ABCC8: variants seen among roughly 807,000 people sequenced by gnomAD.
The protein encoded by ABCC8 is ATP-binding cassette sub-family C member 8.
ABCC8 carries 137 observed loss-of-function variants against 188.0 expected under a neutral mutation model. The ratio of observed to expected loss-of-function variants is 0.73; its 90% CI spans 0.63 to 0.84. ABCC8 has a LOEUF of 0.84. ABCC8 is among the 40% of genes least tolerant of loss of function. ABCC8 has a pLI of 0.00. For missense variants in ABCC8, 1,750 were observed against 2,072.7 expected (o/e 0.84, Z 3.02); for synonymous variants, 797 against 846.5 (o/e 0.94, Z 1.01).
At position 17,393,029 on chromosome 11, in the gene ABCC8, C is replaced by A; in HGVS notation, c.4708G>T (p.Asp1570Tyr). Residue 1570 changes from aspartate (D) to tyrosine (Y), a missense_variant, in exon 39 of 39, where the codon GAC (aspartate) becomes TAC (tyrosine). Physicochemically the swap from Asp to Tyr is radical, Grantham distance 160. Coordinates refer to ENST00000389817, the MANE Select transcript of ABCC8 (RefSeq NM_000352.6). ...DKPEKLLSRK[D>Y]SVFASFVRAD... Reference sequence around the variant, plus strand: ...CGGACGAAGGAGGCGAAGACGCTGTCCTTCCGGCTGAGCAGCTTCTCTGGC... The same window carrying A: ...CGGACGAAGGAGGCGAAGACGCTGTACTTCCGGCTGAGCAGCTTCTCTGGC... The A allele has an allele frequency of 6.2e-7, 1 of 1,614,178 alleles. No individual in the cohort carries two copies. Among genetic ancestry groups the A allele is most frequent in the Non-Finnish European group, 8.5e-7 (1 of 1,180,044 alleles).
chr11:17,423,283 G>A (rs1269076577), intron 16 of ABCC8, among the ~76,000 whole-genome samples: 1 of 145,944 alleles, frequency 6.9e-6, no homozygotes, highest in East Asian at 2.1e-4. Context: ...CTTGAACCTA[G>A]GAGGCAGAGC....
At chr11:17,397,378 T>A in intron 31 of ABCC8, 65 bp from the exon 32 acceptor site, 1 of 1,600,420 alleles carries the variant, frequency 6.2e-7, no homozygotes, top group South Asian at 1.1e-5. Flanking sequence ...GCCACCAGAA[T>A]GGCTCTTCTT....
At chr11:17,433,196 C>A (rs565362779) in intron 10 of ABCC8, among the ~76,000 whole-genome samples, 13 of 152,198 alleles carry the variant, frequency 8.5e-5, no homozygotes, top group African/African-American at 3.1e-4. Context: ...GAGCAGCCCC[C>A]CCATGGCATA....
At chr11:17,454,881 T>G (rs1347391706) in intron 6 of ABCC8, among the ~76,000 whole-genome samples, 1 of 151,988 alleles carries the variant, frequency 6.6e-6, no homozygotes, top group African/African-American at 2.4e-5. Flanking sequence ...CAGTTACAGG[T>G]TTGTGACTTG....
chr11:17,414,761 T>C, intron 18 of ABCC8, 151 bp from the exon 19 acceptor site: 1 of 1,427,128 alleles, frequency 7.0e-7, no homozygotes, highest in African/African-American at 1.4e-5. Flanking sequence ...TCTGGTGGCC[T>C]TGCCTTCCCC....
chr11:17,420,520 C>T (rs1440474980), intron 16 of ABCC8, among the ~76,000 whole-genome samples: 1 of 152,200 alleles, frequency 6.6e-6, no homozygotes, highest in Non-Finnish European at 1.5e-5. Context: ...CTTCAGCTCC[C>T]CAAAGGCTCC....
At chr11:17,431,259 C>A (rs947891873) in intron 11 of ABCC8, among the ~76,000 whole-genome samples, 3 of 152,122 alleles carry the variant, frequency 2.0e-5, no homozygotes, top group African/African-American at 4.8e-5. Flanking sequence ...TAGGTCAGCA[C>A]GGCCCCCTCT....
At chr11:17,471,838 A>T (rs1233838567) in intron 2 of ABCC8, among the ~76,000 whole-genome samples, 1 of 152,206 alleles carries the variant, frequency 6.6e-6, no homozygotes, top group Non-Finnish European at 1.5e-5. Flanking sequence ...GGCAAACTCC[A>T]CATTTCTTTT....
intron 1 of ABCC8, among the ~76,000 whole-genome samples, chr11:17,475,816 G>A (rs932416844): frequency 1.4e-4 from 21 of 152,318 alleles, no homozygotes; most frequent in African/African-American, 4.1e-4. Context: ...GAATGAACAC[G>A]TTTTGGGGAT....
chr11:17,440,819 G>T (rs1956285495), intron 10 of ABCC8, among the ~76,000 whole-genome samples: 1 of 152,198 alleles, frequency 6.6e-6, no homozygotes, highest in Non-Finnish European at 1.5e-5. Context: ...ACTGCTATGG[G>T]ATATTTCCCC....
intron 8 of ABCC8, chr11:17,444,321 C>T (rs1011920710): frequency 6.6e-6 from 1 of 152,284 alleles, no homozygotes; most frequent in Non-Finnish European, 1.5e-5. Context: ...CCCTCCTGGA[C>T]TTATCTCTGG....
chr11:17,453,138 T>G lies in ABCC8; in HGVS notation c.1157A>C (p.Asn386Thr). Residue 386 changes from asparagine to threonine, a missense_variant, in exon 7 of 39, where the codon AAC (asparagine) becomes ACC (threonine). Coordinates refer to ENST00000389817, the MANE Select transcript of ABCC8 (RefSeq NM_000352.6). ...SYYVAIETGI[N>T]LRGAIQTKIY... Reference sequence around the variant, plus strand: ...AAGTACCTGTATTGCTCCTCTCAAGTTAATTCCAGTTTCAATGGCCACATA... The same window carrying G: ...AAGTACCTGTATTGCTCCTCTCAAGGTAATTCCAGTTTCAATGGCCACATA... 1 of 1,614,128 alleles carries G rather than the reference T, an allele frequency of 6.2e-7. No homozygotes were observed. The highest frequency in any genetic ancestry group is 8.5e-7 in the Non-Finnish European group (1 of 1,179,954).
At chr11:17,458,861 T>C (rs1957088633) in intron 6 of ABCC8, among the ~76,000 whole-genome samples, 1 of 152,252 alleles carries the variant, frequency 6.6e-6, no homozygotes, top group Non-Finnish European at 1.5e-5. Flanking sequence ...GCTAAGTTAA[T>C]CACTATCTTT....
chr11:17,432,935 C>A (rs1167422435), intron 10 of ABCC8, among the ~76,000 whole-genome samples: 1 of 152,162 alleles, frequency 6.6e-6, no homozygotes, highest in African/African-American at 2.4e-5. Flanking sequence ...TAGGGCATGT[C>A]ATTTACCTTC....
intron 6 of ABCC8, among the ~76,000 whole-genome samples, chr11:17,455,275 C>A (rs983101314): frequency 6.6e-6 from 1 of 152,146 alleles, no homozygotes; most frequent in Non-Finnish European, 1.5e-5. Flanking sequence ...TGGAATGCCA[C>A]ACACACGCTG....
rs12289631 is a variant in ABCC8 at position 17,410,121 on chromosome 11, A to T, written c.2694+395T>A. 3.1e-3 allele frequency: 531 copies of T among 168,620 alleles called. 1 individual carries two copies. Among genetic ancestry groups the T allele is most frequent in the African/African-American group, 0.012 (510 of 42,186 alleles). 10.4% of individuals were successfully genotyped at this position (168,620 alleles called of 1,614,324 possible). ...ATATGATTCCCGGGGTGGTGCATCC[A>T]TCCACCCCGGGAAGGTCATAGGGTG... On this transcript the variant is annotated intron_variant, in intron 22 of 38. Coordinates refer to ENST00000389817, the MANE Select transcript of ABCC8 (RefSeq NM_000352.6).
At chr11:17,465,128 T>C (rs1291344239) in intron 3 of ABCC8, among the ~76,000 whole-genome samples, 2 of 152,192 alleles carry the variant, frequency 1.3e-5, no homozygotes, top group East Asian at 1.9e-4. Context: ...CCTTCTGCTC[T>C]CATGCCTCAG....
At chr11:17,410,698 T>C in intron 21 of ABCC8, 45 bp from the exon 22 acceptor site, 1 of 1,611,300 alleles carries the variant, frequency 6.2e-7, no homozygotes, top group Non-Finnish European at 8.5e-7. Context: ...GGGAAAGGCA[T>C]GGTGGGGAGG....
At chr11:17,476,209 C>G (rs1848763080) in intron 1 of ABCC8, among the ~76,000 whole-genome samples, 1 of 152,230 alleles carries the variant, frequency 6.6e-6, no homozygotes, top group Non-Finnish European at 1.5e-5. Context: ...CTTCCCTCTT[C>G]CCTAGGCCCA....
Sources: allele counts gnomAD v4.1 joint callset (sites outside exome capture counted in the v4.1 genomes callset), GRCh38; gene constraint gnomAD v4.1.1; transcripts MANE v1.5; gene names NCBI Gene and HGNC (gene_info 2026-07-23, HGNC 2026-07-21).